The following XPC variants were observed in gnomAD, a reference collection of about 807,000 sequenced individuals.
XPC encodes the protein XPC complex subunit, DNA damage recognition and repair factor.
XPC carries 76 observed loss-of-function variants against 95.8 expected under a neutral mutation model. The ratio of observed to expected loss-of-function variants is 0.79; its 90% CI spans 0.66 to 0.96. The LOEUF (loss-of-function observed/expected upper bound fraction) is 0.96. Ranked by LOEUF, XPC falls within the 40% of genes least tolerant of loss-of-function variation. XPC has a pLI of 0.00. For synonymous variants in XPC, 442 were observed against 442.1 expected, an observed-to-expected ratio of 1.00 and a Z score of 0.00; for missense variants, 1,146 against 1,179.8, an observed-to-expected ratio of 0.97 and a Z score of 0.42.
chr3:14,165,940 G>C (rs1696361454), intron 5 of XPC: 1 of 265,194 alleles, frequency 3.8e-6, no homozygotes, highest in African/African-American at 2.2e-5. Context: ...CACGAGATCA[G>C]AAGAAAAGGC....
At chr3:14,166,444 C>T (rs1348781432) in intron 5 of XPC, among the ~76,000 whole-genome samples, 1 of 152,082 alleles carries the variant, frequency 6.6e-6, no homozygotes, top group Non-Finnish European at 1.5e-5. Context: ...AAGCAACTCA[C>T]CCATCCCATC....
At chr3:14,152,465 T>G in intron 10 of XPC, 49 bp from the exon 11 acceptor site, 1 of 1,537,408 alleles carries the variant, frequency 6.5e-7, no homozygotes. Flanking sequence ...ACAGCCCCAC[T>G]GCGGGAATGC....
chr3:14,178,457 C>A lies in XPC; in HGVS notation c.103+9G>T, dbSNP rs1291406626. On this transcript the variant is annotated intron_variant, in intron 1 of 15. Transcript: ENST00000285021. ...GTCTCCCGCGAAGCCCGCTGGGCCTCGCTCTCACCCTCCTCCTCCTCCTCA... is the reference window on the plus strand; with the variant it reads ...GTCTCCCGCGAAGCCCGCTGGGCCTAGCTCTCACCCTCCTCCTCCTCCTCA... 1 of 1,602,968 alleles carries A rather than the reference C, an allele frequency of 6.2e-7. No homozygotes were observed. Among genetic ancestry groups the A allele is most frequent in the South Asian group, 1.1e-5 (1 of 90,718 alleles).
chr3:14,166,347 G>A (rs914385261), intron 5 of XPC, among the ~76,000 whole-genome samples: 9 of 151,888 alleles, frequency 5.9e-5, no homozygotes, highest in Non-Finnish European at 5.9e-5. Context: ...GTCTCGTTTC[G>A]TGCCCCAGGC....
At chr3:14,152,771 G>A (rs1366370469) in intron 10 of XPC, 7 of 202,956 alleles carry the variant, frequency 3.4e-5, no homozygotes, top group Admixed American at 6.2e-5. Flanking sequence ...GCACACTCAC[G>A]TTTACTACCA....
At chr3:14,162,641 G>A (rs1696208875) in intron 7 of XPC, among the ~76,000 whole-genome samples, 1 of 152,190 alleles carries the variant, frequency 6.6e-6, no homozygotes, top group South Asian at 2.1e-4. Context: ...CACAACGTAT[G>A]TAAGAGCAGT....
intron 1 of XPC, among the ~76,000 whole-genome samples, chr3:14,174,280 A>G (rs930586108): frequency 6.6e-6 from 1 of 152,154 alleles, no homozygotes; most frequent in East Asian, 1.9e-4. Flanking sequence ...CAAATCTGAG[A>G]ACAGATTGCC....
chr3:14,153,995 T>C (rs1695801711), intron 10 of XPC, among the ~76,000 whole-genome samples: 1 of 151,946 alleles, frequency 6.6e-6, no homozygotes, highest in African/African-American at 2.4e-5. Context: ...AAAAAAGGGG[T>C]CTTAGGGGTT....
Position 14,158,112 on chromosome 3 carries a change from T to A in XPC, c.1771A>T (p.Thr591Ser), listed in dbSNP as rs751819500. 7 of 1,613,830 alleles carry A rather than the reference T, an allele frequency of 4.3e-6. No individual in the cohort carries two copies. The East Asian group carries it at 1.6e-4, about 36-fold the overall frequency. ...TCAACCCGGCACTTGCGGGTCACTG[T>A]CATCCAGACTGGGTCGTACCTCTGT... Reference protein sequence around the residue: ...VTQRYDPVWMTVTRKCRVDAE... With the variant: ...VTQRYDPVWMSVTRKCRVDAE... The change falls in exon 9 of 16, where the codon ACA becomes TCA. Residue 591 changes from threonine to serine, a missense_variant. Coordinates refer to ENST00000285021, the MANE Select transcript of XPC (RefSeq NM_004628.5). The surrounding 1 kb of genome is among the most constrained non-coding windows in gnomAD (Gnocchi z 5.2).
chr3:14,156,897 G>C (rs561309920), intron 9 of XPC, among the ~76,000 whole-genome samples: 31 of 152,338 alleles, frequency 2.0e-4, no homozygotes, highest in African/African-American at 7.5e-4. Flanking sequence ...AGGAAACTGA[G>C]AGCAGCGGTT....
chr3:14,148,097 G>A, intron 13 of XPC, 96 bp from the exon 14 acceptor site: 1 of 1,040,880 alleles, frequency 9.6e-7, no homozygotes, highest in Non-Finnish European at 1.4e-6. Flanking sequence ...CCACATCTGA[G>A]CACTAGGGGT....
intron 4 of XPC, 29 bp from the exon 5 acceptor site, chr3:14,167,282 T>C (rs1247948345): frequency 1.9e-6 from 3 of 1,591,882 alleles, no homozygotes; most frequent in Non-Finnish European, 2.6e-6. Flanking sequence ...AATCTGGGAA[T>C]GAAGGGGGGA....
At chr3:14,172,823 T>C in intron 2 of XPC, 44 bp downstream of exon 2, 1 of 1,577,134 alleles carries the variant, frequency 6.3e-7, no homozygotes, top group South Asian at 1.1e-5. Context: ...AATTCTCTGA[T>C]GAGAAAAATC....
chr3:14,161,962 G>GT (rs765054281), intron 7 of XPC, among the ~76,000 whole-genome samples: 5 of 151,900 alleles, frequency 3.3e-5, no homozygotes, highest in Admixed American at 6.6e-5. Context: ...AAGCTGCAGG[G>GT]TACAAGACAA....
intron 1 of XPC, 25 bp downstream of exon 1, chr3:14,178,441 G>C: frequency 6.3e-7 from 1 of 1,582,136 alleles, no homozygotes; most frequent in Non-Finnish European, 8.6e-7. Flanking sequence ...CGTCTCCCGC[G>C]AAGCCCGCTG....
rs2125010263 is a variant in XPC at position 14,148,886 on chromosome 3, T to C, written c.2178A>G (p.Glu726=). The C allele has an allele frequency of 6.2e-7, 1 of 1,613,994 alleles. No homozygotes were observed. The highest frequency in any genetic ancestry group is 8.5e-7 in the Non-Finnish European group (1 of 1,179,870). The part of the protein sequence containing the change: ...KARLAEPQLR[E]ENDLGLFGYW... Reference sequence around the variant, plus strand: ...AGCCAAACAGGCCCAGGTCATTTTCTTCCCGCAGCTGGGGCTCAGCAAGTC... The same window carrying C: ...AGCCAAACAGGCCCAGGTCATTTTCCTCCCGCAGCTGGGGCTCAGCAAGTC... The change falls in exon 12 of 16, where the codon GAA becomes GAG. Residue 726 remains glutamate, a synonymous_variant. Transcript: ENST00000285021.
chr3:14,148,060 C>T, intron 13 of XPC, 59 bp from the exon 14 acceptor site: 1 of 1,444,394 alleles, frequency 6.9e-7, no homozygotes, highest in Non-Finnish European at 9.4e-7. Flanking sequence ...GCCTCTCCTC[C>T]CTCCCCAGTT....
At chr3:14,163,476 T>C (rs1696244301) in intron 7 of XPC, among the ~76,000 whole-genome samples, 2 of 152,218 alleles carry the variant, frequency 1.3e-5, no homozygotes, top group Non-Finnish European at 1.5e-5. Flanking sequence ...GAAAACATTA[T>C]ACTAAGCAAA....
At position 14,165,601 on chromosome 3, in the gene XPC, G is replaced by C. The variant is rs3731111; in HGVS notation, c.622-16C>G. ...GAAGGTGAACCTGTGAAGAGGAAAG[G>C]AGGAAGGGGCAGCATGGAAGGAAGG... On this transcript the variant is annotated splice_polypyrimidine_tract_variant and intron_variant, in intron 5 of 15. Coordinates refer to ENST00000285021, the MANE Select transcript of XPC (RefSeq NM_004628.5). The C allele has an allele frequency of 4.3e-3, 6,931 of 1,612,958 alleles. 284 individuals carry two copies. In the African/African-American group the frequency reaches 0.082, roughly 19 times the overall value.
Sources: allele counts gnomAD v4.1 joint callset (sites outside exome capture counted in the v4.1 genomes callset), GRCh38; gene constraint gnomAD v4.1.1; non-coding constraint Gnocchi (gnomAD v3.1); transcripts MANE v1.5; gene names NCBI Gene and HGNC (gene_info 2026-07-23, HGNC 2026-07-21).